The following FGF12 variants were observed in gnomAD, a reference collection of about 807,000 sequenced individuals.
The protein encoded by FGF12 is fibroblast growth factor 12.
In FGF12, 14 loss-of-function variants were observed where a neutral mutation model predicts 23.6. The ratio of observed to expected loss-of-function variants is 0.59; its 90% confidence interval spans 0.39 to 0.93. The LOEUF (loss-of-function observed/expected upper bound fraction) is 0.93, where lower values mean the gene tolerates loss of function less well. FGF12 is among the 40% of genes least tolerant of loss of function. The pLI is 0.00. For synonymous variants in FGF12, 62 were observed against 77.3 expected (o/e 0.80, Z 1.04); for missense variants, 175 against 217.8 (o/e 0.80, Z 1.24).
intron 2 of FGF12, among the ~76,000 whole-genome samples, chr3:192,504,328 C>T (rs1724230451): frequency 6.6e-6 from 1 of 151,918 alleles, no homozygotes; most frequent in South Asian, 2.1e-4. Context: ...TACATGTACC[C>T]CTGAACCTAA....
chr3:192,410,953 C>A (rs181829632), intron 2 of FGF12, among the ~76,000 whole-genome samples: 3 of 152,188 alleles, frequency 2.0e-5, no homozygotes, highest in African/African-American at 7.2e-5. Flanking sequence ...TTTCTACTTA[C>A]AATTTCTCTT....
intron 2 of FGF12, among the ~76,000 whole-genome samples, chr3:192,665,476 T>A (rs1167655442): frequency 6.6e-6 from 1 of 152,074 alleles, no homozygotes. Flanking sequence ...TGGATGAAGT[T>A]GAAAACCTTC....
chr3:192,175,159 C>T (rs74967543), intron 4 of FGF12, among the ~76,000 whole-genome samples: 6,638 of 152,192 alleles, frequency 0.044, 194 homozygotes, highest in Admixed American at 0.059. Flanking sequence ...TGTGTTCAGA[C>T]TGACAAAAAA....
chr3:192,423,309 AC>A (rs1721592233), intron 2 of FGF12, among the ~76,000 whole-genome samples: 2 of 152,176 alleles, frequency 1.3e-5, no homozygotes, highest in Admixed American at 1.3e-4. Flanking sequence ...GGCATAAAAT[AC>A]CAACCTCTGA....
At chr3:192,632,245 A>G (rs1219016950) in intron 2 of FGF12, among the ~76,000 whole-genome samples, 3 of 152,148 alleles carry the variant, frequency 2.0e-5, no homozygotes, top group African/African-American at 7.2e-5. Context: ...GGAATTCAAC[A>G]CCCACTGAAA....
At chr3:192,649,273 C>G (rs1206346436) in intron 2 of FGF12, among the ~76,000 whole-genome samples, 1 of 152,114 alleles carries the variant, frequency 6.6e-6, no homozygotes, top group African/African-American at 2.4e-5. Flanking sequence ...TCAGCCACTG[C>G]ATACGATAGT....
intron 2 of FGF12, among the ~76,000 whole-genome samples, chr3:192,717,400 C>T (rs1402435484): frequency 1.3e-5 from 2 of 152,120 alleles, no homozygotes; most frequent in African/African-American, 4.8e-5. Flanking sequence ...ATGTAAAGTA[C>T]AGTGCCTAAA....
intron 4 of FGF12, among the ~76,000 whole-genome samples, chr3:192,222,408 G>T (rs1482091090): frequency 1.3e-5 from 2 of 152,082 alleles, no homozygotes; most frequent in East Asian, 3.9e-4. Flanking sequence ...GAAAAATTCT[G>T]TAAACTCCCG....
At chr3:192,488,737 A>T (rs76226586) in intron 2 of FGF12, among the ~76,000 whole-genome samples, 1 of 152,002 alleles carries the variant, frequency 6.6e-6, no homozygotes, top group East Asian at 1.9e-4. Flanking sequence ...TTTATAGACT[A>T]ACCTGATTCC....
At chr3:192,487,214 C>G (rs1010832672) in intron 2 of FGF12, among the ~76,000 whole-genome samples, 2 of 152,070 alleles carry the variant, frequency 1.3e-5, no homozygotes, top group African/African-American at 4.8e-5. Flanking sequence ...CAGCTAGATG[C>G]ATTTATTATT....
At chr3:192,346,945 TATA>T (rs1421445721) in intron 3 of FGF12, among the ~76,000 whole-genome samples, 1 of 152,276 alleles carries the variant, frequency 6.6e-6, no homozygotes, top group Admixed American at 6.5e-5. Flanking sequence ...GACTCAAAGT[TATA>T]ATAATACAAA....
At chr3:192,616,886 A>C (rs1251569585) in intron 2 of FGF12, among the ~76,000 whole-genome samples, 4 of 151,974 alleles carry the variant, frequency 2.6e-5, no homozygotes, top group African/African-American at 9.7e-5. Flanking sequence ...CTGAAAAATC[A>C]AACATGAGAA....
chr3:192,416,505 A>T (rs1721356591), intron 2 of FGF12, among the ~76,000 whole-genome samples: 2 of 152,144 alleles, frequency 1.3e-5, no homozygotes, highest in African/African-American at 4.8e-5. Flanking sequence ...AGTGTGAATG[A>T]ATAAATGAAT....
intron 2 of FGF12, among the ~76,000 whole-genome samples, chr3:192,512,447 A>G (rs1446003701): frequency 6.6e-6 from 1 of 152,164 alleles, no homozygotes; most frequent in Non-Finnish European, 1.5e-5. Context: ...TTCTTATAAC[A>G]GTGCCTGGCA....
intron 2 of FGF12, among the ~76,000 whole-genome samples, chr3:192,680,188 G>A (rs1038331719): frequency 6.6e-6 from 1 of 152,152 alleles, no homozygotes; most frequent in African/African-American, 2.4e-5. Context: ...ATTTTGTTGG[G>A]TCCTCAGAAA....
chr3:192,278,960 C>G (rs962467117), intron 4 of FGF12, among the ~76,000 whole-genome samples: 3 of 150,682 alleles, frequency 2.0e-5, no homozygotes, highest in Non-Finnish European at 4.4e-5. Context: ...TGGTGGCCTT[C>G]CTGCAAGAAT....
chr3:192,553,436 C>T (rs1294307295), intron 2 of FGF12, among the ~76,000 whole-genome samples: 1 of 152,046 alleles, frequency 6.6e-6, no homozygotes, highest in Non-Finnish European at 1.5e-5. Context: ...ATTAAGAATA[C>T]ATATTTTAAT....
intron 2 of FGF12, among the ~76,000 whole-genome samples, chr3:192,568,797 A>G (rs1195483015): frequency 6.6e-6 from 1 of 152,150 alleles, no homozygotes; most frequent in African/African-American, 2.4e-5. Context: ...TAACGTTATC[A>G]CTGTGAGGTA....
At chr3:192,452,136 T>G (rs1722541431) in intron 2 of FGF12, among the ~76,000 whole-genome samples, 1 of 152,292 alleles carries the variant, frequency 6.6e-6, no homozygotes, top group South Asian at 2.1e-4. Context: ...GCTATAGGTT[T>G]TTTTGGTACA....
Sources: gnomAD v4.1 joint callset for allele counts (sites outside exome capture counted in the v4.1 genomes callset) on GRCh38, gnomAD v4.1.1 for gene constraint, MANE v1.5 for transcripts, NCBI Gene and HGNC (gene_info 2026-07-23, HGNC 2026-07-21) for gene names.